DTNB: variants seen among roughly 807,000 people sequenced by gnomAD.
DTNB encodes the protein dystrobrevin beta.
In DTNB, 63 loss-of-function variants were observed where a neutral mutation model predicts 90.7. The ratio of observed to expected loss-of-function variants is 0.69; its 90% CI spans 0.57 to 0.86. The LOEUF (loss-of-function observed/expected upper bound fraction) is 0.86. Ranked by LOEUF, DTNB falls within the 40% of genes least tolerant of loss-of-function variation. The pLI, the probability that DTNB is intolerant of heterozygous loss-of-function variation, is 0.00. For synonymous variants in DTNB, 277 were observed against 286.7 expected (o/e 0.97, Z 0.34); for missense variants, 744 against 807.1 (o/e 0.92, Z 0.95).
chr2:25,524,366 C>T (rs749813043), intron 9 of DTNB, among the ~76,000 whole-genome samples: 42 of 144,066 alleles, frequency 2.9e-4, no homozygotes, highest in Non-Finnish European at 5.6e-4. Context: ...AACTGCTCAA[C>T]ATCTCATCTA....
chr2:25,490,628 G>A (rs938473206), intron 9 of DTNB, among the ~76,000 whole-genome samples: 16 of 152,024 alleles, frequency 1.1e-4, no homozygotes, highest in Admixed American at 1.0e-3. Flanking sequence ...ATAAGGAAAG[G>A]AAAAGTAAAC....
At chr2:25,614,189 A>G (rs2069515037) in intron 4 of DTNB, among the ~76,000 whole-genome samples, 1 of 152,174 alleles carries the variant, frequency 6.6e-6, no homozygotes, top group African/African-American at 2.4e-5. Context: ...TCCATGTGAC[A>G]ATGGGCATCT....
chr2:25,604,170 C>T (rs763618871), intron 5 of DTNB, among the ~76,000 whole-genome samples: 26 of 152,158 alleles, frequency 1.7e-4, no homozygotes, highest in Non-Finnish European at 3.2e-4. Flanking sequence ...AAAGGACATA[C>T]ACAAACCACT....
intron 16 of DTNB, among the ~76,000 whole-genome samples, chr2:25,389,741 A>G (rs897385428): frequency 2.0e-5 from 3 of 152,168 alleles, no homozygotes; most frequent in African/African-American, 7.2e-5. Flanking sequence ...GGCCCTGAAC[A>G]GGTGGACAGG....
At chr2:25,467,299 CTT>C (rs11345885) in intron 10 of DTNB, among the ~76,000 whole-genome samples, 19,067 of 120,112 alleles carry the variant, frequency 0.16, 1,081 homozygotes, top group Non-Finnish European at 0.18. Flanking sequence ...TTCTTTCTTT[CTT>C]TTTTTTTTTT....
At chr2:25,649,636 T>C (rs923975189) in intron 2 of DTNB, among the ~76,000 whole-genome samples, 1 of 152,112 alleles carries the variant, frequency 6.6e-6, no homozygotes, top group Admixed American at 6.5e-5. Flanking sequence ...GGAGGATCAA[T>C]TGAGCCCTGG....
rs1434933943 is a variant in DTNB, at chr2:25,407,963, C to CG, written c.1575+11551dup. Among the ~76,000 whole-genome samples the CG allele has an allele frequency of 2.6e-5, 4 of 152,158 alleles. No homozygotes were observed. The East Asian group carries it at 7.7e-4, about 29-fold the overall frequency. On this transcript the variant is annotated intron_variant, in intron 16 of 20. Coordinates refer to ENST00000406818, the MANE Select transcript of DTNB (RefSeq NM_021907.5). ...TAACAAAGTACCACTTGACTGGGCA[C>CG]GGTAGCAACACTTTGGGAGGCTGAG...
intron 7 of DTNB, 52 bp from the exon 8 acceptor site, chr2:25,577,056 G>T: frequency 6.8e-7 from 1 of 1,469,806 alleles, no homozygotes; most frequent in Non-Finnish European, 9.1e-7. Flanking sequence ...GGAAGGGATA[G>T]AATAAAAGAA....
intron 12 of DTNB, among the ~76,000 whole-genome samples, chr2:25,445,539 G>C (rs1156329854): frequency 1.3e-5 from 2 of 152,142 alleles, no homozygotes; most frequent in African/African-American, 2.4e-5. Flanking sequence ...AACATAAATT[G>C]GTACGCATTT....
intron 4 of DTNB, among the ~76,000 whole-genome samples, chr2:25,626,043 T>C (rs1168709428): frequency 6.6e-6 from 1 of 152,164 alleles, no homozygotes; most frequent in Non-Finnish European, 1.5e-5. Context: ...CTTCCCAGCC[T>C]CCAGAATTGT....
intron 12 of DTNB, among the ~76,000 whole-genome samples, chr2:25,438,053 G>T (rs1050241797): frequency 2.6e-5 from 4 of 152,198 alleles, no homozygotes; most frequent in African/African-American, 9.6e-5. Flanking sequence ...AGCCAACCAG[G>T]TGAAGGTCTG....
chr2:25,544,784 AATT>A (rs1280473023), intron 8 of DTNB, among the ~76,000 whole-genome samples: 1 of 152,204 alleles, frequency 6.6e-6, no homozygotes, highest in African/African-American at 2.4e-5. Context: ...CAAAATTAGT[AATT>A]ATTATTTATA....
At chr2:25,487,713 C>A (rs564803617) in intron 9 of DTNB, among the ~76,000 whole-genome samples, 5 of 152,098 alleles carry the variant, frequency 3.3e-5, no homozygotes, top group Non-Finnish European at 7.4e-5. Flanking sequence ...TAAGAGAACC[C>A]TAGATAGAAA....
rs1378483344 is a variant in DTNB, at chr2:25,388,338, ATGTGGTGACCC to A, written c.1588_1598del (p.Gly530TyrfsTer54). On this transcript the variant is annotated frameshift_variant, in exon 17 of 21. Transcript: ENST00000406818. LOFTEE classifies it high-confidence loss of function. The stretch of plus-strand genomic sequence containing the variant: ...GGCCGCCTCCATGGGTGGGCGATGT[ATGTGGTGACCC>A]TGTGGCCTGAGCCTGGAGATTCAAA... 8 of 1,612,046 alleles carry A rather than the reference ATGTGGTGACCC, an allele frequency of 5.0e-6. No homozygotes were observed. Among genetic ancestry groups the A allele is most frequent in the Non-Finnish European group, 6.8e-6 (8 of 1,178,616 alleles).
chr2:25,598,744 G>A (rs535540287), intron 5 of DTNB: 1 of 152,272 alleles, frequency 6.6e-6, no homozygotes, highest in African/African-American at 2.4e-5. Context: ...GGACTGGGGG[G>A]CACTAAAGAA....
intron 8 of DTNB, among the ~76,000 whole-genome samples, chr2:25,550,338 C>T (rs1335591202): frequency 6.6e-6 from 1 of 152,036 alleles, no homozygotes; most frequent in East Asian, 1.9e-4. Context: ...TTGCAGTGAG[C>T]CGAGATCGCG....
chr2:25,507,588 T>G (rs2072788953), intron 9 of DTNB, among the ~76,000 whole-genome samples: 1 of 152,202 alleles, frequency 6.6e-6, no homozygotes, highest in Non-Finnish European at 1.5e-5. Context: ...TATCACCTCT[T>G]ATTACCTCTA....
intron 1 of DTNB, among the ~76,000 whole-genome samples, chr2:25,658,730 G>A (rs1574139150): frequency 6.6e-6 from 1 of 152,146 alleles, no homozygotes; most frequent in East Asian, 1.9e-4. Flanking sequence ...TATAGAAACA[G>A]GAAAATGATC....
chr2:25,639,353 A>C (rs1475474989), intron 2 of DTNB: 9 of 316,180 alleles, frequency 2.8e-5, no homozygotes, highest in Admixed American at 4.5e-5. Context: ...AGGAACACTT[A>C]TGAGGTGAGT....
Sources: allele counts gnomAD v4.1 joint callset (sites outside exome capture counted in the v4.1 genomes callset), GRCh38; gene constraint gnomAD v4.1.1; transcripts MANE v1.5; gene names NCBI Gene and HGNC (gene_info 2026-07-23, HGNC 2026-07-21).